STX8: variants seen among roughly 807,000 people sequenced by gnomAD.
STX8 encodes syntaxin-8.
In STX8, 23 loss-of-function variants were observed where a neutral mutation model predicts 37.5. The observed-to-expected ratio is 0.61, with a 90% CI of 0.44 to 0.87. The LOEUF (loss-of-function observed/expected upper bound fraction) is 0.87. Ranked by LOEUF, STX8 falls within the 40% of genes least tolerant of loss-of-function variation. STX8 has a pLI of 0.00. For synonymous variants in STX8, 115 were observed against 99.1 expected, an observed-to-expected ratio of 1.16 and a Z score of -0.95; for missense variants, 313 against 284.7, an observed-to-expected ratio of 1.10 and a Z score of -0.71.
At chr17:9,295,491 T>C (rs2142169066) in intron 7 of STX8, among the ~76,000 whole-genome samples, 1 of 152,242 alleles carries the variant, frequency 6.6e-6, no homozygotes, top group South Asian at 2.1e-4. Context: ...ACACCAGTAA[T>C]CCCAGCACTT....
At position 9,324,120 on chromosome 17, in the gene STX8, T is replaced by TCA. The variant is rs1469116831; in HGVS notation, c.643+54431_643+54432insTG. 4.5e-3 allele frequency among the ~76,000 whole-genome samples: 597 copies of TCA among 133,720 alleles called. 3 individuals carry two copies. Among genetic ancestry groups the TCA allele is most frequent in the African/African-American group, 0.016 (563 of 34,812 alleles). 87.7% of individuals were successfully genotyped at this position (133,720 alleles called of 152,430 possible). ...CTCTCTCTCTCTCTGTCTCTCTCTC[T>TCA]CTCTCTCACACACACACACACACAC... is the stretch of plus-strand genomic sequence containing the variant. On this transcript the variant is annotated intron_variant, in intron 7 of 7. Coordinates refer to ENST00000306357, the MANE Select transcript of STX8 (RefSeq NM_004853.3).
chr17:9,335,031 T>A (rs1363756408), intron 7 of STX8, among the ~76,000 whole-genome samples: 1 of 152,166 alleles, frequency 6.6e-6, no homozygotes. Context: ...TCGATCTGAG[T>A]CACCCCTGGT....
At chr17:9,326,931 G>A (rs749194853) in intron 7 of STX8, among the ~76,000 whole-genome samples, 2 of 152,038 alleles carry the variant, frequency 1.3e-5, no homozygotes, top group Admixed American at 6.6e-5. Flanking sequence ...AGGCTGAGGC[G>A]GGCAGATCAC....
At chr17:9,310,855 A>T (rs138774022) in intron 7 of STX8, among the ~76,000 whole-genome samples, 365 of 152,352 alleles carry the variant, frequency 2.4e-3, no homozygotes, top group African/African-American at 7.4e-3. Flanking sequence ...AAGACAGTAG[A>T]GAACACAATC....
intron 4 of STX8, among the ~76,000 whole-genome samples, chr17:9,534,377 T>C (rs1282815994): frequency 6.6e-6 from 1 of 152,036 alleles, no homozygotes; most frequent in Admixed American, 6.5e-5. Context: ...TCCCACAATC[T>C]TGGATGAGAA....
intron 6 of STX8, among the ~76,000 whole-genome samples, chr17:9,426,355 T>C (rs1334205604): frequency 5.3e-5 from 8 of 152,042 alleles, no homozygotes; most frequent in African/African-American, 1.9e-4. Context: ...GGCGAAACCC[T>C]GTCTCTACTA....
intron 6 of STX8, among the ~76,000 whole-genome samples, chr17:9,391,867 T>C (rs1912235170): frequency 6.6e-6 from 1 of 152,078 alleles, no homozygotes; most frequent in Non-Finnish European, 1.5e-5. Flanking sequence ...TGGGAGGAGC[T>C]TAGAAAAGCA....
intron 7 of STX8, among the ~76,000 whole-genome samples, chr17:9,361,216 T>A (rs186939847): frequency 6.6e-6 from 1 of 152,216 alleles, no homozygotes; most frequent in East Asian, 1.9e-4. Context: ...GAAAAAAAAA[T>A]TATTAATGCA....
intron 6 of STX8, among the ~76,000 whole-genome samples, chr17:9,424,323 C>T (rs1420673354): frequency 6.6e-6 from 1 of 151,944 alleles, no homozygotes; most frequent in African/African-American, 2.4e-5. Context: ...TTTTGGGTCC[C>T]TGCAAGATTG....
chr17:9,483,738 G>A (rs531106292), intron 6 of STX8, among the ~76,000 whole-genome samples: 1 of 152,206 alleles, frequency 6.6e-6, no homozygotes, highest in African/African-American at 2.4e-5. Context: ...TCAATTCCAG[G>A]ACTGACTCTA....
chr17:9,428,618 T>C (rs1310358107), intron 6 of STX8, among the ~76,000 whole-genome samples: 1 of 152,204 alleles, frequency 6.6e-6, no homozygotes. Context: ...CCCTGTCTGA[T>C]AGAAATGTAA....
intron 3 of STX8, chr17:9,553,459 T>C (rs568553726): frequency 1.3e-5 from 2 of 152,340 alleles, no homozygotes; most frequent in South Asian, 4.1e-4. Flanking sequence ...ACTCCTAGTG[T>C]TCTTTGGACA....
intron 3 of STX8, among the ~76,000 whole-genome samples, chr17:9,546,591 G>GTTTT (rs386385626): frequency 0.19 from 10,128 of 52,024 alleles, 794 homozygotes; most frequent in Middle Eastern, 0.26. Flanking sequence ...TACAAAAGTG[G>GTTTT]TTTTTTTTTT....
intron 7 of STX8, among the ~76,000 whole-genome samples, chr17:9,314,035 T>A (rs1241505976): frequency 6.6e-6 from 1 of 152,186 alleles, no homozygotes; most frequent in African/African-American, 2.4e-5. Context: ...TCTCATTTGG[T>A]TTAACAGTTA....
At chr17:9,569,207 G>T (rs946062034) in intron 1 of STX8, among the ~76,000 whole-genome samples, 19 of 152,376 alleles carry the variant, frequency 1.2e-4, no homozygotes, top group African/African-American at 4.6e-4. Context: ...GAAGACGGCA[G>T]TAAACAGAAT....
intron 1 of STX8, among the ~76,000 whole-genome samples, chr17:9,572,568 C>T (rs931212346): frequency 2.0e-5 from 3 of 152,086 alleles, no homozygotes; most frequent in Admixed American, 6.6e-5. Context: ...CACCAACATG[C>T]CCAGCTAATT....
chr17:9,316,972 G>A (rs551064543), intron 7 of STX8, among the ~76,000 whole-genome samples: 2 of 152,332 alleles, frequency 1.3e-5, no homozygotes, highest in Non-Finnish European at 2.9e-5. Flanking sequence ...TGCGGGTGAG[G>A]AGAGTGGAAT....
chr17:9,537,572 T>C (rs1187271403), intron 4 of STX8, among the ~76,000 whole-genome samples: 2 of 4,902 alleles, frequency 4.1e-4, no homozygotes, highest in Non-Finnish European at 5.0e-3. Context: ...TATCACGTCC[T>C]GGCTCAATCT....
At chr17:9,549,573 C>T (rs2142578538) in intron 3 of STX8, among the ~76,000 whole-genome samples, 1 of 152,350 alleles carries the variant, frequency 6.6e-6, no homozygotes, top group Middle Eastern at 3.4e-3. Flanking sequence ...AACTTTGCCA[C>T]TTCTTAGAAT....
Sources: gnomAD v4.1 joint callset for allele counts (sites outside exome capture counted in the v4.1 genomes callset) on GRCh38, gnomAD v4.1.1 for gene constraint, MANE v1.5 for transcripts, NCBI Gene and HGNC (gene_info 2026-07-23, HGNC 2026-07-21) for gene names.